Variants in MLXIPL observed in about 807,000 individuals in gnomAD.
MLXIPL encodes MLX interacting protein like.
Under a neutral mutation model 81.5 loss-of-function variants are expected in MLXIPL, and 49 were observed. The observed-to-expected ratio is 0.60, with a 90% CI of 0.48 to 0.76. The LOEUF is 0.76. Among genes scored for constraint, MLXIPL ranks in the 30% least tolerant of loss-of-function variants. The pLI is 0.00. For synonymous variants in MLXIPL, 466 were observed against 485.5 expected (o/e 0.96, Z 0.53); for missense variants, 1,053 against 1,167.0 (o/e 0.90, Z 1.42).
chr7:73,618,623 C>A (rs1447719856), intron 1 of MLXIPL, among the ~76,000 whole-genome samples: 3 of 152,042 alleles, frequency 2.0e-5, no homozygotes, highest in African/African-American at 7.2e-5. Context: ...GGCCTCATTA[C>A]CCAAATAAGA....
rs374913877 is a variant in MLXIPL, at chr7:73,608,414, C to T, written c.401-742G>A. On this transcript the variant is annotated intron_variant, in intron 2 of 16. Transcript: ENST00000313375. Reference sequence around the variant, plus strand: ...ACCAGCCTGCCAACATGGTGAAACCCCGTCTCCACTAAAAATACAAAAATT... The same window carrying T: ...ACCAGCCTGCCAACATGGTGAAACCTCGTCTCCACTAAAAATACAAAAATT... Among the ~76,000 whole-genome samples the T allele has an allele frequency of 1.6e-4, 25 of 152,088 alleles. No homozygotes were observed. In the East Asian group the frequency reaches 4.5e-3, roughly 27 times the overall value.
chr7:73,596,806 C>T lies in MLXIPL; in HGVS notation c.1672-17G>A, dbSNP rs200588300. The T allele has an allele frequency of 1.5e-4, 235 of 1,607,332 alleles. 1 individual carries two copies. In the East Asian group the frequency reaches 4.3e-3, roughly 29 times the overall value. On this transcript the variant is annotated splice_polypyrimidine_tract_variant and intron_variant, in intron 10 of 16. Coordinates refer to ENST00000313375, the MANE Select transcript of MLXIPL (RefSeq NM_032951.3). This position sits in a 1 kb window ranked among gnomAD's most constrained non-coding sequence, Gnocchi z 4.7. ...TGTCTCCTGCTGGGGTGGAGAAGGG[C>T]GGAGAGTCGGGTTGAAGGCCGTGGG... is the stretch of plus-strand genomic sequence containing the variant.
intron 7 of MLXIPL, among the ~76,000 whole-genome samples, chr7:73,603,427 C>T (rs1478390520): frequency 1.3e-5 from 2 of 152,124 alleles, no homozygotes; most frequent in African/African-American, 2.4e-5. Context: ...CAGACAGGGC[C>T]GCTGCCCTCC....
chr7:73,594,289 G>A lies in MLXIPL; in HGVS notation c.2425C>T (p.Pro809Ser), dbSNP rs1794088540. The A allele has an allele frequency of 6.2e-7, 1 of 1,612,058 alleles. No individual in the cohort carries two copies. Among genetic ancestry groups the A allele is most frequent in the African/African-American group, 1.3e-5 (1 of 74,914 alleles). ...GCTCACGTACTTGGCCGGAGAGCGGGCAGAGAGCAGTACTGGTCCAGCCAG... is the reference window on the plus strand; with the variant it reads ...GCTCACGTACTTGGCCGGAGAGCGGACAGAGAGCAGTACTGGTCCAGCCAG... Reference protein sequence around the residue: ...LAWLDQYCSLPALRPTVLNSL... With the variant: ...LAWLDQYCSLSALRPTVLNSL... The change falls in exon 16 of 17, where the codon CCC (proline) becomes TCC (serine). Residue 809 changes from proline to serine, a missense_variant. Coordinates refer to ENST00000313375, the MANE Select transcript of MLXIPL (RefSeq NM_032951.3).
the MLXIPL span, among the ~76,000 whole-genome samples, chr7:73,643,508 C>T: frequency 8.2e-5 from 12 of 147,182 alleles, no homozygotes; most frequent in South Asian, 2.1e-4. Context: ...AGCGAGACTC[C>T]GTCTCAAAAA....
intron 7 of MLXIPL, among the ~76,000 whole-genome samples, chr7:73,602,130 G>T (rs6974848): frequency 0.3 from 24,584 of 80,938 alleles, 4,107 homozygotes; most frequent in Middle Eastern, 0.4. Context: ...CTGCCTGCCT[G>T]CCTTCCTTCC....
intron 5 of MLXIPL, 39 bp from the exon 6 acceptor site, chr7:73,606,150 C>T (rs1554598080): frequency 1.9e-6 from 3 of 1,546,846 alleles, no homozygotes; most frequent in Non-Finnish European, 2.6e-6. Context: ...TAGAGAGCTC[C>T]CACTGCCCCG....
At chr7:73,646,354 C>A in the MLXIPL span, among the ~76,000 whole-genome samples, 2 of 152,180 alleles carry the variant, frequency 1.3e-5, no homozygotes, top group Non-Finnish European at 2.9e-5. Context: ...AGCTCATATG[C>A]CAGCCCTCCA....
At chr7:73,602,799 GTGCC>G (rs1381726252) in intron 7 of MLXIPL, among the ~76,000 whole-genome samples, 1 of 152,222 alleles carries the variant, frequency 6.6e-6, no homozygotes, top group Non-Finnish European at 1.5e-5. Flanking sequence ...GCCTCATGCT[GTGCC>G]TGGCCCCAGG....
intron 16 of MLXIPL, 132 bp from the exon 17 acceptor site, chr7:73,594,115 C>T (rs1274369646): frequency 1.4e-6 from 2 of 1,392,582 alleles, no homozygotes; most frequent in Non-Finnish European, 2.0e-6. Flanking sequence ...CCTCTGTCTA[C>T]AGGCGTCTGG....
the MLXIPL span, among the ~76,000 whole-genome samples, chr7:73,636,340 G>T: frequency 6.6e-6 from 1 of 151,782 alleles, no homozygotes; most frequent in African/African-American, 2.4e-5. Context: ...AACCTGGGAG[G>T]TGGAGGTTGT....
At chr7:73,634,744 C>A in the MLXIPL span, among the ~76,000 whole-genome samples, 4 of 151,154 alleles carry the variant, frequency 2.6e-5, no homozygotes, top group Non-Finnish European at 4.4e-5. Context: ...ATATTAGGAA[C>A]GAAAAACCCA....
chr7:73,616,262 C>G, intron 1 of MLXIPL, 85 bp from the exon 2 acceptor site: 1 of 1,226,830 alleles, frequency 8.2e-7, no homozygotes, highest in Non-Finnish European at 1.2e-6. Context: ...ACTAGGCATC[C>G]ATCTATGGTT....
chr7:73,607,450 G>A (rs1289006564), intron 3 of MLXIPL, 30 bp from the exon 4 acceptor site: 9 of 1,535,774 alleles, frequency 5.9e-6, no homozygotes, highest in African/African-American at 1.4e-5. Context: ...AGGGGGATCA[G>A]TAGAGAGGGG....
At chr7:73,631,308 C>A in the MLXIPL span, among the ~76,000 whole-genome samples, 1 of 152,048 alleles carries the variant, frequency 6.6e-6, no homozygotes, top group Non-Finnish European at 1.5e-5. Context: ...AGCCACCGCA[C>A]CCGGCCCACA....
chr7:73,599,429 G>A, intron 8 of MLXIPL, 97 bp downstream of exon 8: 4 of 1,445,720 alleles, frequency 2.8e-6, no homozygotes, highest in Non-Finnish European at 3.9e-6. Context: ...CAGAAGACTG[G>A]GCACTCAGGG....
chr7:73,622,186 G>A lies in MLXIPL; in HGVS notation c.293+2014C>T, dbSNP rs1055724879. Among the ~76,000 whole-genome samples the A allele has an allele frequency of 9.9e-5, 15 of 151,816 alleles. 1 individual carries two copies. Among genetic ancestry groups the A allele is most frequent in the African/African-American group, 3.6e-4 (15 of 41,410 alleles). ...TACTAGGAATGTGCCATCACACCTGGCTGATTAAAGAAAATTTTTTTTGGC... is the reference window on the plus strand; with the variant it reads ...TACTAGGAATGTGCCATCACACCTGACTGATTAAAGAAAATTTTTTTTGGC... On this transcript the variant is annotated intron_variant, in intron 1 of 16. Transcript: ENST00000313375.
upstream of MLXIPL, among the ~76,000 whole-genome samples, chr7:73,628,771 G>A (rs34958196): frequency 0.16 from 24,150 of 152,186 alleles, 2,279 homozygotes; most frequent in African/African-American, 0.26. Context: ...TGTTACTATA[G>A]CCAGCAGTTT....
chr7:73,597,394 C>G lies in MLXIPL; in HGVS notation c.1391G>C (p.Ser464Thr). ...TATGGGGAAGGGGGTGGGGGCTGGG[C>G]TGGGGACAGACTGTGGGGTGGGTGG... ...AFPPTPQSVP[S>T]PAPTPFPIEL... is the part of the protein sequence containing the mutation. Residue 464 changes from serine (S) to threonine (T), a missense_variant, in exon 9 of 17, where the codon AGC becomes ACC. Physicochemically the swap from Ser to Thr is moderately conservative, Grantham distance 58 (BLOSUM62 1). Coordinates refer to ENST00000313375, the MANE Select transcript of MLXIPL (RefSeq NM_032951.3). The G allele has an allele frequency of 2.5e-6, 1 of 407,354 alleles. No homozygotes were observed. Among genetic ancestry groups the G allele is most frequent in the Non-Finnish European group, 3.4e-6 (1 of 295,392 alleles). 25.2% of individuals were successfully genotyped at this position (407,354 alleles called of 1,614,324 possible).
Sources: gnomAD v4.1 joint callset for allele counts (sites outside exome capture counted in the v4.1 genomes callset) on GRCh38, gnomAD v4.1.1 for gene constraint, Gnocchi (gnomAD v3.1) non-coding constraint, MANE v1.5 for transcripts, NCBI Gene and HGNC (gene_info 2026-07-23, HGNC 2026-07-21) for gene names.